Variants in LIPE observed in about 807,000 individuals in gnomAD.
LIPE encodes hormone-sensitive lipase.
LIPE carries 66 observed loss-of-function variants against 88.5 expected under a neutral mutation model. The observed-to-expected ratio is 0.75, with a 90% CI of 0.61 to 0.91. LIPE has a LOEUF of 0.91. Ranked by LOEUF, LIPE falls within the 40% of genes least tolerant of loss-of-function variation. The probability of loss-of-function intolerance (pLI) is 0.00; values close to 1 mark genes in which losing one functional copy is unlikely to be tolerated. For missense variants in LIPE, 1,346 were observed against 1,434.7 expected (o/e 0.94, Z 1.00); for synonymous variants, 570 against 617.5 (o/e 0.92, Z 1.14).
At chr19:42,420,780 A>G (rs1022061787) in intron 1 of LIPE, among the ~76,000 whole-genome samples, 2 of 152,170 alleles carry the variant, frequency 1.3e-5, no homozygotes, top group African/African-American at 4.8e-5. Flanking sequence ...CATAGCAGCC[A>G]CAGGATCTTT....
chr19:42,421,226 C>G (rs2040592201), intron 1 of LIPE, among the ~76,000 whole-genome samples: 1 of 152,098 alleles, frequency 6.6e-6, no homozygotes, highest in Non-Finnish European at 1.5e-5. Context: ...AACTGCCTGC[C>G]CTGTTTCCTC....
At chr19:42,423,493 G>A in intron 1 of LIPE, 2 of 1,281,554 alleles carry the variant, frequency 1.6e-6, no homozygotes, top group Non-Finnish European at 2.0e-6. Context: ...CGAGGCCGGG[G>A]CCATAGCGGC....
At chr19:42,415,354 A>G (rs554805053) in intron 1 of LIPE, among the ~76,000 whole-genome samples, 1 of 152,360 alleles carries the variant, frequency 6.6e-6, no homozygotes, top group East Asian at 1.9e-4. Flanking sequence ...ATTTTAAATC[A>G]AAAGCCAGAA....
At chr19:42,424,023 G>C (rs1262331567) in intron 1 of LIPE, 1 of 1,180,710 alleles carries the variant, frequency 8.5e-7, no homozygotes, top group Non-Finnish European at 1.1e-6. Context: ...GGCGGGCCAG[G>C]TCCTCTGCCA....
Position 42,407,093 on chromosome 19 carries a change from T to G in LIPE, c.2137+81A>C. 1 of 1,245,678 alleles carries G rather than the reference T, an allele frequency of 8.0e-7. No homozygotes were observed. The highest frequency in any genetic ancestry group is 1.1e-6 in the Non-Finnish European group (1 of 923,638). 77.2% of individuals were successfully genotyped at this position (1,245,678 alleles called of 1,614,324 possible). On this transcript the variant is annotated intron_variant, in intron 6 of 9. Transcript: ENST00000244289. The surrounding 1 kb of genome is among the most constrained non-coding windows in gnomAD (Gnocchi z 5.8). Reference sequence around the variant, plus strand: ...TGGGGGGAGAGAAAGGTAGAGGGTGTGAGGCTGAGGCTGGAGGAGCTTAAA... The same window carrying G: ...TGGGGGGAGAGAAAGGTAGAGGGTGGGAGGCTGAGGCTGGAGGAGCTTAAA...
chr19:42,405,951 G>C (rs943383982), intron 7 of LIPE: 2 of 582,912 alleles, frequency 3.4e-6, no homozygotes, highest in African/African-American at 4.0e-5. Flanking sequence ...ATGACACCTT[G>C]TGTCTGTCTG....
chr19:42,415,969 A>G (rs1257265668), intron 1 of LIPE, among the ~76,000 whole-genome samples: 1 of 152,164 alleles, frequency 6.6e-6, no homozygotes, highest in African/African-American at 2.4e-5. Context: ...AGAGGTGAGG[A>G]AGCTGCAGAA....
In LIPE at chr19:42,410,476, G is replaced by A. The variant is rs750083666; in HGVS notation, c.1250C>T (p.Ala417Val). Residue 417 changes from alanine (A) to valine (V), a missense_variant, in exon 2 of 10, where the codon GCT (alanine) becomes GTT (valine). Ala to Val is a moderately conservative substitution (Grantham distance 64). Coordinates refer to ENST00000244289, the MANE Select transcript of LIPE (RefSeq NM_005357.4). This position sits in a 1 kb window ranked among gnomAD's most constrained non-coding sequence, Gnocchi z 6.1. ...HNLAELEAYL[A>V]ALTQLRALVY... ...CAGAGCGCGGAGCTGGGTGAGGGCA[G>A]CCAGGTAGGCCTCCAGCTCGGCCAG... 1.2e-6 allele frequency: 2 copies of A among 1,614,032 alleles called. No individual in the cohort carries two copies. The highest frequency in any genetic ancestry group is 1.7e-6 in the Non-Finnish European group (2 of 1,180,040).
intron 1 of LIPE, chr19:42,423,743 C>T (rs1041070906): frequency 8.9e-7 from 1 of 1,128,168 alleles, no homozygotes; most frequent in African/African-American, 1.7e-5. Context: ...CTGGCTCCGC[C>T]CCCTACCGCG....
chr19:42,405,357 G>T, intron 8 of LIPE, 28 bp downstream of exon 8: 2 of 1,606,864 alleles, frequency 1.2e-6, no homozygotes, highest in South Asian at 2.2e-5. Context: ...CACCCTGGCT[G>T]GGCATGTGAC....
In LIPE at chr19:42,402,568, TCTC is replaced by T. The variant is rs2040016010; in HGVS notation, c.2967+36_2967+38del. ...CCCTCCTCCCCGGGTGCCCTGCTCT[TCTC>T]TAAATGCACCTGTACCGGCCCCCTC... On this transcript the variant is annotated intron_variant, in intron 9 of 9. Transcript: ENST00000244289. 7.0e-6 allele frequency: 10 copies of T among 1,435,738 alleles called. No homozygotes were observed. In the East Asian group the frequency reaches 2.5e-4, roughly 36 times the overall value. The allele number at this position is 1,435,738 out of a possible 1,614,324, so 88.9% of individuals were successfully genotyped here.
intron 1 of LIPE, chr19:42,411,305 T>G (rs187535298): frequency 5.8e-4 from 572 of 985,108 alleles, no homozygotes; most frequent in Non-Finnish European, 6.5e-4. Context: ...CCTTCTTTCT[T>G]CCTTCCAGGA....
chr19:42,412,501 A>G, intron 1 of LIPE: 1 of 985,778 alleles, frequency 1.0e-6, no homozygotes, highest in Non-Finnish European at 1.2e-6. Context: ...CCTCCCACCC[A>G]GAAAGATCAG....
At position 42,407,584 on chromosome 19, in the gene LIPE, C is replaced by T; in HGVS notation, c.1842+22G>A. 6.3e-7 allele frequency: 1 copy of T among 1,593,712 alleles called. No homozygotes were observed. The highest frequency in any genetic ancestry group is 8.6e-7 in the Non-Finnish European group (1 of 1,168,540). On this transcript the variant is annotated intron_variant, in intron 5 of 9. Coordinates refer to ENST00000244289, the MANE Select transcript of LIPE (RefSeq NM_005357.4). The surrounding 1 kb of genome is among the most constrained non-coding windows in gnomAD (Gnocchi z 5.8). ...ACGCTCCTCGGCTCTGTCCCTGTCC[C>T]TGGCTGAGGCTGGAACCCTACCTGT...
In LIPE at chr19:42,410,478, C is replaced by CAGGT; in HGVS notation, c.1244_1247dup (p.Ala417ProfsTer29). On this transcript the variant is annotated frameshift_variant, in exon 2 of 10. Coordinates refer to ENST00000244289, the MANE Select transcript of LIPE (RefSeq NM_005357.4). LOFTEE classifies it high-confidence loss of function. The surrounding 1 kb of genome is among the most constrained non-coding windows in gnomAD (Gnocchi z 6.1). ...GAGCGCGGAGCTGGGTGAGGGCAGC[C>CAGGT]AGGTAGGCCTCCAGCTCGGCCAGGT... 3.7e-6 allele frequency: 6 copies of CAGGT among 1,614,048 alleles called. No individual in the cohort carries two copies. The highest frequency in any genetic ancestry group is 5.1e-6 in the Non-Finnish European group (6 of 1,180,038).
chr19:42,415,310 AG>A (rs2147647710), intron 1 of LIPE, among the ~76,000 whole-genome samples: 1 of 152,340 alleles, frequency 6.6e-6, no homozygotes, highest in South Asian at 2.1e-4. Context: ...ATGACCTCAA[AG>A]TGTTCAAGTG....
In LIPE at chr19:42,406,197, G is replaced by T. The variant is rs763748408; in HGVS notation, c.2329C>A (p.Leu777Ile). 1 of 1,613,270 alleles carries T rather than the reference G, an allele frequency of 6.2e-7. No individual in the cohort carries two copies. The highest frequency in any genetic ancestry group is 8.5e-7 in the Non-Finnish European group (1 of 1,179,388). ...LLSLMDPLLP[L>I]SVLSKCVSAY... is the part of the protein sequence containing the mutation. ...CTGACACACTTGGAGAGCACACTGA[G>T]GGGCAGCAAGGGGTCCATGAGGCTC... Residue 777 changes from leucine (L) to isoleucine (I), a missense_variant, in exon 7 of 10, where the codon CTC (leucine) becomes ATC (isoleucine). Coordinates refer to ENST00000244289, the MANE Select transcript of LIPE (RefSeq NM_005357.4). This position sits in a 1 kb window ranked among gnomAD's most constrained non-coding sequence, Gnocchi z 5.7.
rs1023387126 is a variant in LIPE at position 42,419,929 on chromosome 19, G to A, written c.883+6338C>T. 9.2e-5 allele frequency among the ~76,000 whole-genome samples: 14 copies of A among 152,058 alleles called. No individual in the cohort carries two copies. The East Asian group carries it at 1.7e-3, about 19-fold the overall frequency. On this transcript the variant is annotated intron_variant, in intron 1 of 9. Transcript: ENST00000244289. ...TTAAAAATAGGGATCGAGTCTAGCT[G>A]TGTTGCCTAGACTGGTCTCGAACTC...
Position 42,407,696 on chromosome 19 carries a change from C to T in LIPE, c.1752G>A (p.Thr584=), listed in dbSNP as rs770751198. 9 of 1,595,676 alleles carry T rather than the reference C, an allele frequency of 5.6e-6. No homozygotes were observed. The highest frequency in any genetic ancestry group is 1.7e-4 in the Middle Eastern group (1 of 5,940). The change falls in exon 5 of 10, where the codon ACG becomes ACA. Residue 584 remains threonine, a synonymous_variant. Transcript: ENST00000244289. The surrounding 1 kb of genome is among the most constrained non-coding windows in gnomAD (Gnocchi z 5.8). ...GTGGGGGTGAGATGGTGACCGTGAG[C>T]GTGGGGTCGGCAGTCAGTGGCATCT... is the stretch of plus-strand genomic sequence containing the variant. ...AFEMPLTADP[T]LTVTISPPLA...
Sources: allele counts gnomAD v4.1 joint callset (sites outside exome capture counted in the v4.1 genomes callset), GRCh38; gene constraint gnomAD v4.1.1; non-coding constraint Gnocchi (gnomAD v3.1); transcripts MANE v1.5; gene names NCBI Gene and HGNC (gene_info 2026-07-23, HGNC 2026-07-21).